KIF5C: variants seen among roughly 807,000 people sequenced by gnomAD.
KIF5C encodes kinesin family member 5C.
KIF5C carries 18 observed loss-of-function variants against 125.2 expected under a neutral mutation model. The observed-to-expected ratio is 0.14, with a 90% confidence interval of 0.10 to 0.21. The LOEUF is 0.21. Among genes scored for constraint, KIF5C ranks in the 10% least tolerant of loss-of-function variants. The pLI, the probability that KIF5C is intolerant of heterozygous loss-of-function variation, is 1.00. For synonymous variants in KIF5C, 405 were observed against 434.0 expected, an observed-to-expected ratio of 0.93 and a Z score of 0.83; for missense variants, 780 against 1,183.8, an observed-to-expected ratio of 0.66 and a Z score of 5.01.
At chr2:148,940,665 C>A (rs1360187508) in intron 4 of KIF5C, among the ~76,000 whole-genome samples, 1 of 152,150 alleles carries the variant, frequency 6.6e-6, no homozygotes, top group Non-Finnish European at 1.5e-5. Context: ...GTTTAGATTT[C>A]AAAAGCACTT....
At chr2:149,013,371 G>C (rs1335484405) in intron 25 of KIF5C, among the ~76,000 whole-genome samples, 4 of 152,224 alleles carry the variant, frequency 2.6e-5, no homozygotes, top group Non-Finnish European at 5.9e-5. Context: ...CAGCCGTCCT[G>C]AATGAATCTC....
intron 1 of KIF5C, among the ~76,000 whole-genome samples, chr2:148,910,321 G>A (rs569011882): frequency 3.3e-5 from 5 of 152,258 alleles, no homozygotes; most frequent in African/African-American, 7.2e-5. Flanking sequence ...AATGTAATAC[G>A]TGCTTTGTGA....
rs937833137 is a variant in KIF5C, at chr2:149,026,108, G to A, written c.*3038G>A. 3 of 152,598 alleles carry A rather than the reference G, an allele frequency of 2.0e-5. No individual in the cohort carries two copies. The highest frequency in any genetic ancestry group is 7.2e-5 in the African/African-American group (3 of 41,494). 9.5% of individuals were successfully genotyped at this position (152,598 alleles called of 1,614,324 possible). ...AAAGTTCTTAACAATCCCCTCTTTCGAAGTGCATTTTTTTAAAGCAGGGCA... is the reference window on the plus strand; with the variant it reads ...AAAGTTCTTAACAATCCCCTCTTTCAAAGTGCATTTTTTTAAAGCAGGGCA... On this transcript the variant is annotated 3_prime_UTR_variant, in exon 26 of 26. Transcript: ENST00000435030.
Position 148,990,990 on chromosome 2 carries a change from G to A in KIF5C, c.1717-20G>A, listed in dbSNP as rs543070267. The A allele has an allele frequency of 2.5e-6, 4 of 1,606,296 alleles. No individual in the cohort carries two copies. Among genetic ancestry groups the A allele is most frequent in the East Asian group, 4.5e-5 (2 of 44,696 alleles). ...TGGAAATTGTGGGCAACATTTGAGT[G>A]TGTCCCCTTCTTTGCTCAGTTGGCA... On this transcript the variant is annotated intron_variant, in intron 15 of 25. Transcript: ENST00000435030.
At chr2:148,926,954 T>G (rs968632005) in intron 2 of KIF5C, among the ~76,000 whole-genome samples, 1 of 152,104 alleles carries the variant, frequency 6.6e-6, no homozygotes, top group Admixed American at 6.5e-5. Context: ...TGGAGTTTGT[T>G]CTGGTGGGGT....
chr2:148,946,503 A>G (rs1682522621), intron 7 of KIF5C, among the ~76,000 whole-genome samples: 1 of 152,236 alleles, frequency 6.6e-6, no homozygotes, highest in Non-Finnish European at 1.5e-5. Flanking sequence ...GCACATGACT[A>G]AGATAGACTA....
At position 148,983,615 on chromosome 2, in the gene KIF5C, T is replaced by C. The variant is rs1398979627; in HGVS notation, c.1570-5T>C. ...TTGAATTTGTTGTTGAAATTTGTTT[T>C]TCAGACTACATTGACAACCACACAG... On this transcript the variant is annotated splice_polypyrimidine_tract_variant and splice_region_variant and intron_variant, in intron 14 of 25. Transcript: ENST00000435030. 6.5e-7 allele frequency: 1 copy of C among 1,550,274 alleles called. No homozygotes were observed. The highest frequency in any genetic ancestry group is 2.0e-5 in the Admixed American group (1 of 51,120).
intron 8 of KIF5C, among the ~76,000 whole-genome samples, chr2:148,949,520 C>T (rs931308944): frequency 1.3e-5 from 2 of 152,132 alleles, no homozygotes; most frequent in African/African-American, 4.8e-5. Flanking sequence ...TCCCAGGGCC[C>T]GAGCTACCCA....
intron 1 of KIF5C, among the ~76,000 whole-genome samples, chr2:148,883,337 TA>T (rs1262155667): frequency 2.0e-5 from 3 of 152,136 alleles, no homozygotes; most frequent in Admixed American, 2.0e-4. Context: ...CTGTCTCTAC[TA>T]AAAATACAAA....
At chr2:148,943,460 T>TGA (rs1682452959) in intron 7 of KIF5C, among the ~76,000 whole-genome samples, 1 of 152,132 alleles carries the variant, frequency 6.6e-6, no homozygotes, top group Admixed American at 6.5e-5. Context: ...GAACAGAAGC[T>TGA]GAGAGAACTA....
At position 148,946,965 on chromosome 2, in the gene KIF5C, A is replaced by C; in HGVS notation, c.656A>C (p.Glu219Ala). The change falls in exon 8 of 26, where the codon GAG (glutamate) becomes GCG (alanine). Residue 219 changes from glutamate to alanine, a missense_variant. Around this residue, in one of 2 missense-constraint regions of KIF5C, gnomAD observed 207 missense variants for 441.2 expected, o/e 0.47. Transcript: ENST00000435030. ...ATAAATATTAAACAAGAGAATGTAGAGACTGAAAAAAAACTCAGTGGGAAA... is the reference window on the plus strand; with the variant it reads ...ATAAATATTAAACAAGAGAATGTAGCGACTGAAAAAAAACTCAGTGGGAAA... ...FLINIKQENVETEKKLSGKLY... is the reference protein window; with the variant it reads ...FLINIKQENVATEKKLSGKLY... 6.2e-7 allele frequency: 1 copy of C among 1,613,470 alleles called. No homozygotes were observed. The highest frequency in any genetic ancestry group is 8.5e-7 in the Non-Finnish European group (1 of 1,179,736).
intron 1 of KIF5C, among the ~76,000 whole-genome samples, chr2:148,893,451 T>C (rs1359287647): frequency 6.6e-6 from 1 of 152,232 alleles, no homozygotes; most frequent in African/African-American, 2.4e-5. Flanking sequence ...ACTCTGCCTT[T>C]CTCAAACCTA....
intron 12 of KIF5C, among the ~76,000 whole-genome samples, chr2:148,977,316 G>A (rs1364892962): frequency 6.6e-6 from 1 of 152,186 alleles, no homozygotes. Flanking sequence ...TGAGCACAGC[G>A]TAAGGACAGA....
chr2:148,922,164 G>T lies in KIF5C; in HGVS notation c.154G>T (p.Val52Leu). 6.2e-7 allele frequency: 1 copy of T among 1,612,844 alleles called. No individual in the cohort carries two copies. The highest frequency in any genetic ancestry group is 8.5e-7 in the Non-Finnish European group (1 of 1,179,394). The part of the protein sequence containing the change: ...GQGKPYVFDR[V>L]LPPNTTQEQV... ...AGGGAAGCCATATGTCTTCGACAGA[G>T]TGCTACCTCCCAACACGACCCAAGA... is the stretch of plus-strand genomic sequence containing the variant. The change falls in exon 2 of 26, where the codon GTG (valine) becomes TTG (leucine). Residue 52 changes from valine (V) to leucine (L), a missense_variant. Transcript: ENST00000435030.
intron 11 of KIF5C, among the ~76,000 whole-genome samples, chr2:148,972,456 G>A (rs1042352173): frequency 6.6e-6 from 1 of 152,176 alleles, no homozygotes; most frequent in Admixed American, 6.5e-5. Context: ...ACTCAGTGGG[G>A]CCAGTAGTTT....
At chr2:148,946,760 C>T in intron 7 of KIF5C, 139 bp from the exon 8 acceptor site, 1 of 1,229,736 alleles carries the variant, frequency 8.1e-7, no homozygotes, top group Non-Finnish European at 1.1e-6. Flanking sequence ...ACAGGGGTCT[C>T]AGATAATTTT....
chr2:148,922,340 T>C lies in KIF5C; in HGVS notation c.217+113T>C, dbSNP rs1681822012. The C allele has an allele frequency of 3.0e-5, 18 of 602,504 alleles. No individual in the cohort carries two copies. The South Asian group carries it at 4.4e-4, about 15-fold the overall frequency. The allele number at this position is 602,504 out of a possible 1,614,324, so 37.3% of individuals were successfully genotyped here. The stretch of plus-strand genomic sequence containing the variant: ...TTGACTGTAAGCAGAGGCCTGCTAA[T>C]TGGAAACACTGAATTCTATAGCCTC... On this transcript the variant is annotated intron_variant, in intron 2 of 25. Transcript: ENST00000435030.
chr2:148,931,221 G>A (rs916029803), intron 3 of KIF5C, among the ~76,000 whole-genome samples: 1 of 152,124 alleles, frequency 6.6e-6, no homozygotes, highest in African/African-American at 2.4e-5. Context: ...CTCTTGGAAT[G>A]CTTACAATAG....
At chr2:148,953,854 G>A (rs1014277202) in intron 10 of KIF5C, among the ~76,000 whole-genome samples, 8 of 152,042 alleles carry the variant, frequency 5.3e-5, no homozygotes, top group Non-Finnish European at 1.2e-4. Context: ...AATTTAAAGG[G>A]AAAAATTTAC....
Sources: gnomAD v4.1 joint callset for allele counts (sites outside exome capture counted in the v4.1 genomes callset) on GRCh38, gnomAD v4.1.1 for gene constraint, gnomAD v4.1.1 regional missense constraint, MANE v1.5 for transcripts, NCBI Gene and HGNC (gene_info 2026-07-23, HGNC 2026-07-21) for gene names.